Variants in ATP10B observed in about 807,000 individuals in gnomAD.
The protein encoded by ATP10B is ATPase phospholipid transporting 10B (putative).
ATP10B carries 122 observed loss-of-function variants against 141.2 expected under a neutral mutation model. That is an observed-to-expected ratio of 0.86 (90% CI 0.75 to 1.00). The LOEUF is 1.00. Ranked by LOEUF, ATP10B falls within the 50% of genes least tolerant of loss-of-function variation. The probability of loss-of-function intolerance (pLI) is 0.00; values close to 1 mark genes in which losing one functional copy is unlikely to be tolerated. For missense variants in ATP10B, 1,876 were observed against 1,825.3 expected, an observed-to-expected ratio of 1.03 and a Z score of -0.51; for synonymous variants, 685 against 692.0, an observed-to-expected ratio of 0.99 and a Z score of 0.16.
chr5:160,600,902 T>C (rs1757067971), intron 21 of ATP10B, among the ~76,000 whole-genome samples: 1 of 152,182 alleles, frequency 6.6e-6, no homozygotes, highest in Non-Finnish European at 1.5e-5. Flanking sequence ...TAATGCGGCA[T>C]TAGTATCGCA....
chr5:160,927,902 GA>G, the ATP10B span, among the ~76,000 whole-genome samples: 1 of 152,262 alleles, frequency 6.6e-6, no homozygotes, highest in Non-Finnish European at 1.5e-5. Context: ...TCTGTGAAGA[GA>G]TGGCCTTTGA....
At chr5:160,804,348 T>C (rs1018019701) in intron 1 of ATP10B, among the ~76,000 whole-genome samples, 6 of 152,226 alleles carry the variant, frequency 3.9e-5, no homozygotes, top group African/African-American at 1.4e-4. Context: ...TGTTCATCAT[T>C]TGTTCCTCAG....
chr5:160,685,745 C>T (rs1419297510), intron 6 of ATP10B, among the ~76,000 whole-genome samples: 1 of 152,172 alleles, frequency 6.6e-6, no homozygotes, highest in Non-Finnish European at 1.5e-5. Context: ...GCTTATACAA[C>T]TTAAACAAGT....
chr5:160,739,189 C>T (rs1049148013), intron 2 of ATP10B, among the ~76,000 whole-genome samples: 5 of 151,304 alleles, frequency 3.3e-5, no homozygotes, highest in African/African-American at 1.2e-4. Context: ...GGATTTTCCA[C>T]AACCCGATAA....
intron 3 of ATP10B, among the ~76,000 whole-genome samples, chr5:160,699,078 C>T (rs1764532489): frequency 6.6e-6 from 1 of 152,178 alleles, no homozygotes; most frequent in South Asian, 2.1e-4. Flanking sequence ...TGTGTTCTCC[C>T]TTGAAAACTC....
chr5:160,914,854 C>T, the ATP10B span, among the ~76,000 whole-genome samples: 3 of 152,290 alleles, frequency 2.0e-5, no homozygotes, highest in East Asian at 1.9e-4. Context: ...AATTCCTCTC[C>T]GAGTTCAGAT....
chr5:160,640,510 G>T lies in ATP10B; in HGVS notation c.951C>A (p.Ile317=), dbSNP rs767586646. The T allele has an allele frequency of 3.9e-5, 63 of 1,614,020 alleles. No individual in the cohort carries two copies. The highest frequency in any genetic ancestry group is 5.2e-5 in the Non-Finnish European group (61 of 1,180,004). The change falls in exon 10 of 26, where the codon ATC becomes ATA. Residue 317 remains isoleucine (I), a synonymous_variant. Transcript: ENST00000327245. ...GGATGAGGATCCCAATGCAGAAGAA[G>T]ATGTCTATATTCATGCGCCGCTCAA... is the stretch of plus-strand genomic sequence containing the variant. ...SKIERRMNID[I]FFCIGILILM...
At position 160,780,305 on chromosome 5, in the gene ATP10B, T is replaced by G. The variant is rs2127879375; in HGVS notation, c.-331+5254A>C. ...CTCTTTTTAAACCATGATTTAGCCT[T>G]TTTATAGGGTTGCCATATAAATATA... On this transcript the variant is annotated intron_variant, in intron 2 of 25. Coordinates refer to ENST00000327245, the MANE Select transcript of ATP10B (RefSeq NM_025153.3). Among the ~76,000 whole-genome samples the G allele has an allele frequency of 3.3e-5, 5 of 152,256 alleles. No homozygotes were observed. The South Asian group carries it at 1.0e-3, about 32-fold the overall frequency.
At chr5:160,818,084 C>G (rs183462891) in intron 1 of ATP10B, among the ~76,000 whole-genome samples, 150 of 152,222 alleles carry the variant, frequency 9.9e-4, no homozygotes, top group African/African-American at 3.5e-3. Context: ...AGGACACAGG[C>G]ATGGGCAAGG....
intron 8 of ATP10B, 121 bp downstream of exon 8, chr5:160,649,048 TCA>T: frequency 4.0e-5 from 23 of 573,656 alleles, no homozygotes; most frequent in South Asian, 8.1e-5. Context: ...TCCCTCTTTA[TCA>T]CACACACACA....
intron 22 of ATP10B, among the ~76,000 whole-genome samples, chr5:160,591,773 T>TGCAGTCACAAGGAATTTGCC (rs1756309312): frequency 6.6e-6 from 1 of 151,962 alleles, no homozygotes; most frequent in Non-Finnish European, 1.5e-5. Flanking sequence ...AGGAATTTGC[T>TGCAGTCACAAGGAATTTGCC]ATGCAGTCAG....
At chr5:160,878,685 A>G in the ATP10B span, among the ~76,000 whole-genome samples, 2 of 152,248 alleles carry the variant, frequency 1.3e-5, no homozygotes, top group East Asian at 3.8e-4. Context: ...AAACAAATTT[A>G]CAAGAACAAA....
intron 1 of ATP10B, among the ~76,000 whole-genome samples, chr5:160,798,755 T>G (rs1772143452): frequency 6.7e-6 from 1 of 149,356 alleles, no homozygotes; most frequent in African/African-American, 2.5e-5. Context: ...TTTTTTTTTT[T>G]TTTTTTTTTT....
rs927702519 is a variant in ATP10B, at chr5:160,563,720, T to C, written c.*1733A>G. 1 of 152,162 alleles carries C rather than the reference T, an allele frequency of 6.6e-6. No homozygotes were observed. The highest frequency in any genetic ancestry group is 1.5e-5 in the Non-Finnish European group (1 of 68,014). The allele number at this position is 152,162 out of a possible 1,614,324, so 9.4% of individuals were successfully genotyped here. ...AAACTCAGATCTCCTGAGGCCACTG[T>C]TCTGTTCTTTCTGGCTTTTAGTAGT... On this transcript the variant is annotated 3_prime_UTR_variant, in exon 26 of 26. Transcript: ENST00000327245.
intron 15 of ATP10B, among the ~76,000 whole-genome samples, chr5:160,619,966 A>T (rs1464803905): frequency 6.6e-6 from 1 of 152,164 alleles, no homozygotes; most frequent in East Asian, 1.9e-4. Flanking sequence ...TTCTAAGTTG[A>T]GTGTGCTTTT....
At chr5:160,580,670 C>T (rs2127601186) in intron 24 of ATP10B, among the ~76,000 whole-genome samples, 1 of 152,186 alleles carries the variant, frequency 6.6e-6, no homozygotes, top group East Asian at 1.9e-4. Flanking sequence ...ATGCTGGCTT[C>T]ATAAAATGAG....
chr5:160,835,040 A>G (rs1248745216), intron 1 of ATP10B, among the ~76,000 whole-genome samples: 1 of 152,150 alleles, frequency 6.6e-6, no homozygotes, highest in Non-Finnish European at 1.5e-5. Flanking sequence ...GCTGAGATAT[A>G]GATTACTGAT....
chr5:160,898,435 C>T, the ATP10B span, among the ~76,000 whole-genome samples: 2 of 152,088 alleles, frequency 1.3e-5, no homozygotes, highest in Non-Finnish European at 2.9e-5. Context: ...CAAATCAAAA[C>T]CACAATGAGA....
the ATP10B span, among the ~76,000 whole-genome samples, chr5:160,877,666 T>G: frequency 8.0e-5 from 12 of 149,504 alleles, no homozygotes; most frequent in Non-Finnish European, 1.8e-4. Flanking sequence ...CTCCTTAAGC[T>G]GATAAGTAAC....
Sources: gnomAD v4.1 joint callset for allele counts (sites outside exome capture counted in the v4.1 genomes callset) on GRCh38, gnomAD v4.1.1 for gene constraint, MANE v1.5 for transcripts, NCBI Gene and HGNC (gene_info 2026-07-23, HGNC 2026-07-21) for gene names.